The following TNIK variants were observed in gnomAD, a reference collection of about 807,000 sequenced individuals.
TNIK encodes TRAF2 and NCK-interacting protein kinase.
Under a neutral mutation model 191.3 loss-of-function variants are expected in TNIK, and 49 were observed. The observed-to-expected ratio is 0.26, with a 90% CI of 0.20 to 0.32. The LOEUF is 0.32. Among genes scored for constraint, TNIK ranks in the 10% least tolerant of loss-of-function variants. The pLI is 1.00. For missense variants in TNIK, 1,155 were observed against 1,702.3 expected (o/e 0.68, Z 5.66); for synonymous variants, 594 against 600.9 (o/e 0.99, Z 0.17).
chr3:171,308,582 G>T (rs1020386972), intron 2 of TNIK, among the ~76,000 whole-genome samples: 2 of 152,114 alleles, frequency 1.3e-5, no homozygotes, highest in Non-Finnish European at 2.9e-5. Context: ...AAATCAAAGA[G>T]CTTCTGCACA....
intron 2 of TNIK, among the ~76,000 whole-genome samples, chr3:171,239,791 C>T (rs1482513041): frequency 6.6e-6 from 1 of 152,178 alleles, no homozygotes; most frequent in Non-Finnish European, 1.5e-5. Flanking sequence ...CAGACTACAG[C>T]AATTTGTCAG....
At chr3:171,339,182 G>A (rs1410697982) in intron 2 of TNIK, among the ~76,000 whole-genome samples, 1 of 152,168 alleles carries the variant, frequency 6.6e-6, no homozygotes, top group Non-Finnish European at 1.5e-5. Flanking sequence ...AAAAATTCAG[G>A]TGTCAGCCCT....
At chr3:171,222,392 A>G (rs929097360) in intron 3 of TNIK, among the ~76,000 whole-genome samples, 3 of 152,180 alleles carry the variant, frequency 2.0e-5, no homozygotes, top group Non-Finnish European at 4.4e-5. Flanking sequence ...GGATTAAATG[A>G]GTACTAAGTA....
intron 1 of TNIK, among the ~76,000 whole-genome samples, chr3:171,406,601 T>C (rs1301369539): frequency 1.3e-5 from 2 of 152,144 alleles, no homozygotes; most frequent in Non-Finnish European, 2.9e-5. Context: ...GTTATTATTA[T>C]CTCTTATTTT....
intron 9 of TNIK, among the ~76,000 whole-genome samples, chr3:171,170,326 A>G (rs908436031): frequency 6.6e-6 from 1 of 152,204 alleles, no homozygotes; most frequent in African/African-American, 2.4e-5. Flanking sequence ...TGTTGGGGGA[A>G]TTCAAAATGC....
chr3:171,294,283 C>A lies in TNIK; in HGVS notation c.124-66062G>T, dbSNP rs190128914. On this transcript the variant is annotated intron_variant, in intron 2 of 32. Transcript: ENST00000436636. ...AACAAAACAAAAAAAACTAGCCAGG[C>A]ATGATGGCATATGCCTGTAATCCTA... Among the ~76,000 whole-genome samples, 3 of 151,874 alleles carry A rather than the reference C, an allele frequency of 2.0e-5. No individual in the cohort carries two copies. In the East Asian group the frequency reaches 5.8e-4, roughly 30 times the overall value.
At chr3:171,333,529 G>T (rs1037758281) in intron 2 of TNIK, among the ~76,000 whole-genome samples, 1 of 145,782 alleles carries the variant, frequency 6.9e-6, no homozygotes, top group East Asian at 2.1e-4. Flanking sequence ...AGCCAAGATC[G>T]CACCACTGCA....
chr3:171,385,247 G>A lies in TNIK; in HGVS notation c.58-15562C>T, dbSNP rs141916782. Among the ~76,000 whole-genome samples, 316 of 152,234 alleles carry A rather than the reference G, an allele frequency of 2.1e-3. 1 individual carries two copies. The highest frequency in any genetic ancestry group is 7.2e-3 in the African/African-American group (299 of 41,538). On this transcript the variant is annotated intron_variant, in intron 1 of 32. Coordinates refer to ENST00000436636, the MANE Select transcript of TNIK (RefSeq NM_015028.4). ...CTGCTTTGAAAATACTGGGATAGGAGTGGGAGGGGACACCAGCTGGGCCCT... is the reference window on the plus strand; with the variant it reads ...CTGCTTTGAAAATACTGGGATAGGAATGGGAGGGGACACCAGCTGGGCCCT...
At chr3:171,340,631 C>G (rs1757418937) in intron 2 of TNIK, among the ~76,000 whole-genome samples, 1 of 152,172 alleles carries the variant, frequency 6.6e-6, no homozygotes, top group Non-Finnish European at 1.5e-5. Context: ...ACAAGGCTAC[C>G]TATCAGCTAG....
intron 1 of TNIK, among the ~76,000 whole-genome samples, chr3:171,383,922 C>T (rs1000838636): frequency 6.6e-6 from 1 of 152,182 alleles, no homozygotes; most frequent in African/African-American, 2.4e-5. Flanking sequence ...AGTGGTTCCC[C>T]GGTCTACTCT....
At chr3:171,376,790 AGAT>A (rs5854419) in intron 1 of TNIK, among the ~76,000 whole-genome samples, 2 of 145,498 alleles carry the variant, frequency 1.4e-5, no homozygotes, top group South Asian at 4.3e-4. Flanking sequence ...ATAGATAGAT[AGAT>A]GAGAGAGATA....
chr3:171,280,985 T>C (rs924500926), intron 2 of TNIK, among the ~76,000 whole-genome samples: 2 of 152,182 alleles, frequency 1.3e-5, no homozygotes, highest in Non-Finnish European at 2.9e-5. Context: ...ACCTACTGAA[T>C]AAACAGTCTC....
At chr3:171,306,959 G>C (rs777786221) in intron 2 of TNIK, among the ~76,000 whole-genome samples, 1 of 152,018 alleles carries the variant, frequency 6.6e-6, no homozygotes, top group Non-Finnish European at 1.5e-5. Flanking sequence ...CACAAGCCCC[G>C]GGAACAAAGT....
chr3:171,320,999 G>A (rs1200449447), intron 2 of TNIK, among the ~76,000 whole-genome samples: 2 of 152,162 alleles, frequency 1.3e-5, no homozygotes, highest in Non-Finnish European at 2.9e-5. Flanking sequence ...GCAGGGTGTC[G>A]GGTGGAAGAC....
intron 12 of TNIK, among the ~76,000 whole-genome samples, chr3:171,145,777 T>A (rs1163404567): frequency 6.8e-6 from 1 of 146,512 alleles, no homozygotes; most frequent in Non-Finnish European, 1.5e-5. Flanking sequence ...AGTCAGTCTT[T>A]CCTTTTTTTT....
intron 2 of TNIK, among the ~76,000 whole-genome samples, chr3:171,307,923 A>G (rs971152103): frequency 6.6e-6 from 1 of 152,180 alleles, no homozygotes; most frequent in African/African-American, 2.4e-5. Flanking sequence ...CTCTGCAGCT[A>G]ATGAAATGTT....
At chr3:171,296,278 A>C (rs11925024) in intron 2 of TNIK, among the ~76,000 whole-genome samples, 74,304 of 151,880 alleles carry the variant, frequency 0.49, 18,768 homozygotes, top group Non-Finnish European at 0.51. Context: ...GAGGCAGCCA[A>C]GGCAAATTAA....
At chr3:171,350,034 G>C (rs16856172) in intron 2 of TNIK, among the ~76,000 whole-genome samples, 13,046 of 152,098 alleles carry the variant, frequency 0.086, 845 homozygotes, top group East Asian at 0.31. Context: ...TGAACATATA[G>C]AAGAATTACA....
chr3:171,364,070 C>T (rs565576335), intron 2 of TNIK, among the ~76,000 whole-genome samples: 2 of 152,286 alleles, frequency 1.3e-5, no homozygotes, highest in Non-Finnish European at 2.9e-5. Flanking sequence ...TTTGCAGTTT[C>T]TGGAGGTGCG....
Sources: allele counts gnomAD v4.1 joint callset (sites outside exome capture counted in the v4.1 genomes callset), GRCh38; gene constraint gnomAD v4.1.1; transcripts MANE v1.5; gene names NCBI Gene and HGNC (gene_info 2026-07-23, HGNC 2026-07-21).